OR6C6: variants seen among roughly 807,000 people sequenced by gnomAD.
OR6C6 encodes the protein olfactory receptor 6C6.
For missense variants in OR6C6, 411 were observed against 366.8 expected (o/e 1.12, Z -0.98); for synonymous variants, 140 against 135.2 (o/e 1.04, Z -0.25).
Position 55,294,870 on chromosome 12 carries a change from G to A in OR6C6, c.363C>T (p.Tyr121=), listed in dbSNP as rs1565656357. 5 of 1,614,062 alleles carry A rather than the reference G, an allele frequency of 3.1e-6. No homozygotes were observed. Among genetic ancestry groups the A allele is most frequent in the African/African-American group, 2.7e-5 (2 of 75,048 alleles). ...AATGCAGTGGTTTGCAGATGGCAAC[G>A]TAGCGGTCATAGGACATGGCAGCCA... ...YLLAAMSYDR[Y]VAICKPLHYP... Residue 121 remains tyrosine (Y), a synonymous_variant, in exon 2 of 2, where the codon TAC becomes TAT. Coordinates refer to ENST00000358433, the MANE Select transcript of OR6C6 (RefSeq NM_001005493.2).
Position 55,294,481 on chromosome 12 carries a change from C to T in OR6C6, c.752G>A (p.Gly251Asp). 2 of 1,613,672 alleles carry T rather than the reference C, an allele frequency of 1.2e-6. No homozygotes were observed. The highest frequency in any genetic ancestry group is 1.7e-6 in the Non-Finnish European group (2 of 1,179,664). Reference sequence around the variant, plus strand: ...TTTAATATACATAAAGATACAGCTACCGTATGTCATGGAGACAACAATCAT... The same window carrying T: ...TTTAATATACATAAAGATACAGCTATCGTATGTCATGGAGACAACAATCAT... ...SHMIVVSMTY[G>D]SCIFMYIKPS... The change falls in exon 2 of 2, where the codon GGT becomes GAT. Residue 251 changes from glycine (G) to aspartate (D), a missense_variant. By Grantham distance (94) the Gly-to-Asp change is moderately conservative (BLOSUM62 -1). Coordinates refer to ENST00000358433, the MANE Select transcript of OR6C6 (RefSeq NM_001005493.2).
At position 55,296,350 on chromosome 12, in the gene OR6C6, T is replaced by A. The variant is rs945753430; in HGVS notation, c.-57A>T. The A allele has an allele frequency of 1.3e-5, 2 of 152,046 alleles. No homozygotes were observed. Among genetic ancestry groups the A allele is most frequent in the Admixed American group, 6.6e-5 (1 of 15,228 alleles). 9.4% of individuals were successfully genotyped at this position (152,046 alleles called of 1,614,324 possible). A position where few individuals can be genotyped will look rare whatever the true frequency, so the allele number is the denominator to read the frequency against. Reference sequence around the variant, plus strand: ...TGGATCTATTATTCATTTCTTTCTGTGTGCACGGAAGAGATGCATGCTAAC... The same window carrying A: ...TGGATCTATTATTCATTTCTTTCTGAGTGCACGGAAGAGATGCATGCTAAC... On this transcript the variant is annotated 5_prime_UTR_variant, in exon 1 of 2. Coordinates refer to ENST00000358433, the MANE Select transcript of OR6C6 (RefSeq NM_001005493.2).
In OR6C6 at chr12:55,295,028, CT is replaced by C. The variant is rs760146733; in HGVS notation, c.204del (p.Val69Ter). On this transcript the variant is annotated frameshift_variant, in exon 2 of 2. Coordinates refer to ENST00000358433, the MANE Select transcript of OR6C6 (RefSeq NM_001005493.2). LOFTEE classifies it low-confidence loss of function (END_TRUNC). ...YFFLRNFSFL[E>X]VIFTTVCIPR... is the part of the protein sequence containing the mutation. The stretch of plus-strand genomic sequence containing the variant: ...GGAATACACACTGTTGTGAATATTA[CT>C]TCCAAAAAGGAGAAATTACGGAGAA... 1.9e-5 allele frequency: 30 copies of C among 1,613,714 alleles called. No homozygotes were observed. The highest frequency in any genetic ancestry group is 1.0e-4 in the Admixed American group (6 of 59,954).
Position 55,294,994 on chromosome 12 carries a change from A to G in OR6C6, c.239T>C (p.Leu80Ser). ...IFTTVCIPRF[L>S]ITIVTRDKTI... ...TTTGTCTCTAGTCACAATGGTTATC[A>G]AGAATCTAGGAATACACACTGTTGT... Residue 80 changes from leucine (L) to serine (S), a missense_variant, in exon 2 of 2, where the codon TTG becomes TCG. Physicochemically the swap from Leu to Ser is moderately radical, Grantham distance 145. Coordinates refer to ENST00000358433, the MANE Select transcript of OR6C6 (RefSeq NM_001005493.2). 6.2e-7 allele frequency: 1 copy of G among 1,613,554 alleles called. No homozygotes were observed. The highest frequency in any genetic ancestry group is 8.5e-7 in the Non-Finnish European group (1 of 1,179,622).
Position 55,294,213 on chromosome 12 carries a change from G to A in OR6C6, c.*75C>T, listed in dbSNP as rs1954570135. The A allele has an allele frequency of 1.1e-6, 1 of 873,526 alleles. No homozygotes were observed. The highest frequency in any genetic ancestry group is 1.8e-6 in the Non-Finnish European group (1 of 553,682). 54.1% of individuals were successfully genotyped at this position (873,526 alleles called of 1,614,324 possible). On this transcript the variant is annotated 3_prime_UTR_variant, in exon 2 of 2. Transcript: ENST00000358433. ...ACCCTCCTCAGCCTCCCAAAGTGCT[G>A]TGATTACAGGCATGAGCCACCATGC...
rs775189138 is a variant in OR6C6, at chr12:55,295,024, A to ACACACTG, written c.208_209insCAGTGTG (p.Ile70ThrfsTer11). 1.9e-5 allele frequency: 30 copies of ACACACTG among 1,613,748 alleles called. No homozygotes were observed. Among genetic ancestry groups the ACACACTG allele is most frequent in the Admixed American group, 1.0e-4 (6 of 59,954 alleles). ...TCTAGGAATACACACTGTTGTGAATATTACTTCCAAAAAGGAGAAATTACG... is the reference window on the plus strand; with the variant it reads ...TCTAGGAATACACACTGTTGTGAATACACACTGTTACTTCCAAAAAGGAGAAATTACG... On this transcript the variant is annotated frameshift_variant, in exon 2 of 2. Transcript: ENST00000358433. LOFTEE classifies it low-confidence loss of function (END_TRUNC).
At chr12:55,296,169 T>C (rs1006174801) in intron 1 of OR6C6, 150 bp downstream of exon 1, 3 of 151,982 alleles carry the variant, frequency 2.0e-5, no homozygotes, top group Non-Finnish European at 4.4e-5. Flanking sequence ...ACAACACTCA[T>C]TAGTATATAA....
In OR6C6 at chr12:55,294,311, A is replaced by G. The variant is rs751749523; in HGVS notation, c.922T>C (p.Cys308Arg). Residue 308 changes from cysteine (C) to arginine (R), a missense_variant, in exon 2 of 2, where the codon TGT becomes CGT. Physicochemically the swap from Cys to Arg is radical, Grantham distance 180 (BLOSUM62 -3). Transcript: ENST00000358433. ...TCTTAAAATGGTCTTTTAGAAAAAC[A>G]CAAATTCTTTTGTAATACATCCCAG... ...VFWDVLQKNLCFSKRPF is the reference protein window; with the variant it reads ...VFWDVLQKNLRFSKRPF 6.3e-7 allele frequency: 1 copy of G among 1,595,228 alleles called. No homozygotes were observed. The highest frequency in any genetic ancestry group is 1.8e-5 in the Admixed American group (1 of 56,060).
Position 55,294,690 on chromosome 12 carries a change from A to T in OR6C6, c.543T>A (p.Pro181=). ...TIDHFMCETS[P]ILQISCTDTH... ...TATCTGTGCAGGAGATCTGCAGAAT[A>T]GGAGAAGTTTCACACATAAAGTGGT... Residue 181 remains proline, a synonymous_variant, in exon 2 of 2, where the codon CCT becomes CCA. Transcript: ENST00000358433. 1.2e-6 allele frequency: 2 copies of T among 1,614,122 alleles called. No homozygotes were observed. The highest frequency in any genetic ancestry group is 1.7e-6 in the Non-Finnish European group (2 of 1,180,022).
At position 55,294,554 on chromosome 12, in the gene OR6C6, A is replaced by C. The variant is rs1490440324; in HGVS notation, c.679T>G (p.Ser227Ala). The C allele has an allele frequency of 1.2e-6, 2 of 1,613,980 alleles. No homozygotes were observed. Among genetic ancestry groups the C allele is most frequent in the African/African-American group, 2.7e-5 (2 of 74,930 alleles). ...GCTTTGTTCCTTTGCTGTGCAGAAGAGAATTTCAGAATGGTCTTAATAATG... is the reference window on the plus strand; with the variant it reads ...GCTTTGTTCCTTTGCTGTGCAGAAGCGAATTTCAGAATGGTCTTAATAATG... ...TCIIKTILKF[S>A]SAQQRNKAFS... is the part of the protein sequence containing the mutation. The change falls in exon 2 of 2, where the codon TCT becomes GCT. Residue 227 changes from serine (S) to alanine (A), a missense_variant. Ser to Ala is a moderately conservative substitution (Grantham distance 99, BLOSUM62 1). Transcript: ENST00000358433.
rs1868248867 is a variant in OR6C6, at chr12:55,295,050, G to A, written c.183C>T (p.Leu61=). The A allele has an allele frequency of 6.2e-7, 1 of 1,614,026 alleles. No homozygotes were observed. The highest frequency in any genetic ancestry group is 8.5e-7 in the Non-Finnish European group (1 of 1,180,004). The change falls in exon 2 of 2, where the codon CTC becomes CTT. Residue 61 remains leucine (L), a synonymous_variant. Transcript: ENST00000358433. The part of the protein sequence containing the change: ...PRLKTPMYFF[L]RNFSFLEVIF... ...TTACTTCCAAAAAGGAGAAATTACG[G>A]AGAAAGAAATACATTGGCGTCTTGA...
In OR6C6 at chr12:55,295,085, C is replaced by T; in HGVS notation, c.148G>A (p.Asp50Asn). ...TACATTGGCGTCTTGAGCCGGGGATCCAGCAGGGTGAGGATGATGATGATT... is the reference window on the plus strand; with the variant it reads ...TACATTGGCGTCTTGAGCCGGGGATTCAGCAGGGTGAGGATGATGATGATT... ...NLIIIILTLL[D>N]PRLKTPMYFF... Residue 50 changes from aspartate (D) to asparagine (N), a missense_variant, in exon 2 of 2, where the codon GAT becomes AAT. Coordinates refer to ENST00000358433, the MANE Select transcript of OR6C6 (RefSeq NM_001005493.2). The T allele has an allele frequency of 6.2e-7, 1 of 1,613,930 alleles. No homozygotes were observed. The highest frequency in any genetic ancestry group is 2.2e-5 in the East Asian group (1 of 44,862).
chr12:55,294,729 A>G lies in OR6C6; in HGVS notation c.504T>C (p.Ala168=). Residue 168 remains alanine, a synonymous_variant, in exon 2 of 2, where the codon GCT becomes GCC. Transcript: ENST00000358433. The part of the protein sequence containing the change: ...LVMGLKLDFC[A]SKTIDHFMCE... ...ACATAAAGTGGTCAATAGTTTTGGA[A>G]GCACAAAAATCCAGCTTGAGTCCCA... The G allele has an allele frequency of 3.7e-6, 6 of 1,614,112 alleles. No individual in the cohort carries two copies. Among genetic ancestry groups the G allele is most frequent in the Non-Finnish European group, 5.1e-6 (6 of 1,180,026 alleles).
intron 1 of OR6C6, 117 bp from the exon 2 acceptor site, chr12:55,295,374 A>C: frequency 1.9e-6 from 1 of 514,356 alleles, no homozygotes; most frequent in South Asian, 3.7e-5. Flanking sequence ...CCAGCCTGAA[A>C]TTGTAGATGA....
chr12:55,294,916 C>G lies in OR6C6; in HGVS notation c.317G>C (p.Gly106Ala). Reference protein sequence around the residue: ...ATQLFFILLPGVTEFYLLAAM... With the variant: ...ATQLFFILLPAVTEFYLLAAM... ...AGCCAGGAGGTAAAACTCAGTAACT[C>G]CCGGTAAAAGGATAAAAAATAATTG... Residue 106 changes from glycine (G) to alanine (A), a missense_variant, in exon 2 of 2, where the codon GGA (glycine) becomes GCA (alanine). By Grantham distance (60) the Gly-to-Ala change is moderately conservative. Transcript: ENST00000358433. The G allele has an allele frequency of 6.2e-7, 1 of 1,613,828 alleles. No individual in the cohort carries two copies. The highest frequency in any genetic ancestry group is 1.1e-5 in the South Asian group (1 of 91,064).
intron 1 of OR6C6, among the ~76,000 whole-genome samples, chr12:55,295,755 T>C (rs1868253674): frequency 6.6e-6 from 1 of 152,048 alleles, no homozygotes; most frequent in South Asian, 2.1e-4. Flanking sequence ...CTCATTTCAA[T>C]AGTTTTGATA....
rs546567397 is a variant in OR6C6 at position 55,295,013 on chromosome 12, C to T, written c.220G>A (p.Val74Met). 2.5e-6 allele frequency: 4 copies of T among 1,613,618 alleles called. No homozygotes were observed. Among genetic ancestry groups the T allele is most frequent in the Non-Finnish European group, 3.4e-6 (4 of 1,179,696 alleles). ...GTTATCAAGAATCTAGGAATACACA[C>T]TGTTGTGAATATTACTTCCAAAAAG... is the stretch of plus-strand genomic sequence containing the variant. ...FSFLEVIFTT[V>M]CIPRFLITIV... is the part of the protein sequence containing the mutation. The change falls in exon 2 of 2, where the codon GTG becomes ATG. Residue 74 changes from valine to methionine, a missense_variant. Val to Met is a conservative substitution (Grantham distance 21). Coordinates refer to ENST00000358433, the MANE Select transcript of OR6C6 (RefSeq NM_001005493.2).
At position 55,294,340 on chromosome 12, in the gene OR6C6, A is replaced by G; in HGVS notation, c.893T>C (p.Val298Ala). The change falls in exon 2 of 2, where the codon GTC becomes GCC. Residue 298 changes from valine to alanine, a missense_variant. By Grantham distance (64) the Val-to-Ala change is moderately conservative. Transcript: ENST00000358433. Reference protein sequence around the residue: ...YTLRNQQVKEVFWDVLQKNLC... With the variant: ...YTLRNQQVKEAFWDVLQKNLC... Reference sequence around the variant, plus strand: ...ATTCTTTTGTAATACATCCCAGAAGACTTCTTTCACCTGCTGGTTTCTGAG... The same window carrying G: ...ATTCTTTTGTAATACATCCCAGAAGGCTTCTTTCACCTGCTGGTTTCTGAG... 6.2e-7 allele frequency: 1 copy of G among 1,612,596 alleles called. No homozygotes were observed. Among genetic ancestry groups the G allele is most frequent in the Non-Finnish European group, 8.5e-7 (1 of 1,178,918 alleles).
At chr12:55,295,673 T>G (rs1868253383) in intron 1 of OR6C6, among the ~76,000 whole-genome samples, 1 of 152,014 alleles carries the variant, frequency 6.6e-6, no homozygotes, top group African/African-American at 2.4e-5. Context: ...AAACCAGGAT[T>G]TAGGGTTAAA....
Sources: gnomAD v4.1 joint callset for allele counts (sites outside exome capture counted in the v4.1 genomes callset) on GRCh38, gnomAD v4.1.1 for gene constraint, MANE v1.5 for transcripts, NCBI Gene and HGNC (gene_info 2026-07-23, HGNC 2026-07-21) for gene names.